Variants in PPTC7 observed in about 807,000 individuals in gnomAD.
PPTC7 encodes protein phosphatase PTC7 homolog.
PPTC7 carries 6 observed loss-of-function variants against 30.8 expected under a neutral mutation model. The observed-to-expected ratio is 0.19, with a 90% CI of 0.11 to 0.38. The LOEUF (loss-of-function observed/expected upper bound fraction) is 0.38, where lower values mean the gene tolerates loss of function less well. PPTC7 is among the 10% of genes least tolerant of loss of function. The pLI is 1.00. For synonymous variants in PPTC7, 163 were observed against 168.1 expected (o/e 0.97, Z 0.23); for missense variants, 218 against 404.8 (o/e 0.54, Z 3.96).
chr12:110,565,258 TGTTTTGTTTC>T (rs1317924929), intron 1 of PPTC7, among the ~76,000 whole-genome samples: 1 of 152,008 alleles, frequency 6.6e-6, no homozygotes, highest in African/African-American at 2.4e-5. Context: ...ATACTTTTTT[TGTTTTGTTTC>T]GTTTTTCAGA....
chr12:110,583,218 A>T lies in PPTC7; in HGVS notation c.-187T>A, dbSNP rs1248252921. The T allele has an allele frequency of 4.9e-6, 1 of 204,662 alleles. No homozygotes were observed. The highest frequency in any genetic ancestry group is 9.2e-6 in the Non-Finnish European group (1 of 108,298). The allele number at this position is 204,662 out of a possible 1,614,324, so 12.7% of individuals were successfully genotyped here. A position where few individuals can be genotyped will look rare whatever the true frequency, so the allele number is the denominator to read the frequency against. ...GCACGCGCTCAGCCGCGCGCACCGG[A>T]GCCAGAGCGAGGTCAGAAGCGGCGG... On this transcript the variant is annotated 5_prime_UTR_variant, in exon 1 of 6. Transcript: ENST00000354300.
intron 1 of PPTC7, among the ~76,000 whole-genome samples, chr12:110,557,451 T>C (rs188853612): frequency 6.6e-6 from 1 of 151,866 alleles, no homozygotes; most frequent in Non-Finnish European, 1.5e-5. Context: ...CTTTTTTTTT[T>C]AAGTTTTTGT....
At position 110,563,057 on chromosome 12, in the gene PPTC7, T is replaced by G. The variant is rs566163294; in HGVS notation, c.224-11089A>C. 3.3e-4 allele frequency among the ~76,000 whole-genome samples: 45 copies of G among 134,756 alleles called. No homozygotes were observed. The Admixed American group carries it at 3.5e-3, about 11-fold the overall frequency. 88.4% of individuals were successfully genotyped at this position (134,756 alleles called of 152,430 possible). A position where few individuals can be genotyped will look rare whatever the true frequency, so the allele number is the denominator to read the frequency against. Reference sequence around the variant, plus strand: ...TTGCCTGAACCTGGGAGGCAGAGATTGCAGTAAGCAAAGATTGCGCCATTG... The same window carrying G: ...TTGCCTGAACCTGGGAGGCAGAGATGGCAGTAAGCAAAGATTGCGCCATTG... On this transcript the variant is annotated intron_variant, in intron 1 of 5. Coordinates refer to ENST00000354300, the MANE Select transcript of PPTC7 (RefSeq NM_139283.2).
intron 1 of PPTC7, among the ~76,000 whole-genome samples, chr12:110,572,490 A>G (rs1286224441): frequency 6.6e-6 from 1 of 152,212 alleles, no homozygotes; most frequent in Non-Finnish European, 1.5e-5. Context: ...AGAGTAGTCC[A>G]AAAAGAAATA....
intron 1 of PPTC7, among the ~76,000 whole-genome samples, chr12:110,556,089 G>C (rs2064384721): frequency 3.3e-5 from 5 of 152,176 alleles, no homozygotes; most frequent in Admixed American, 3.3e-4. Context: ...GTTTAGAGTT[G>C]ATCCTCGATC....
At chr12:110,557,262 T>A (rs2064396981) in intron 1 of PPTC7, among the ~76,000 whole-genome samples, 1 of 152,158 alleles carries the variant, frequency 6.6e-6, no homozygotes, top group Non-Finnish European at 1.5e-5. Context: ...AAAGAAAAAC[T>A]AAAATGACTT....
At chr12:110,580,580 T>TC (rs2064628318) in intron 1 of PPTC7, among the ~76,000 whole-genome samples, 1 of 152,180 alleles carries the variant, frequency 6.6e-6, no homozygotes, top group Non-Finnish European at 1.5e-5. Flanking sequence ...CCTCAGGTGA[T>TC]CCGCCCACCT....
At chr12:110,542,106 C>T (rs958457691) in intron 3 of PPTC7, among the ~76,000 whole-genome samples, 3 of 151,348 alleles carry the variant, frequency 2.0e-5, no homozygotes, top group African/African-American at 2.4e-5. Flanking sequence ...GCTGAGATGG[C>T]GCCACTGCAC....
chr12:110,540,007 T>C (rs2064245691), intron 3 of PPTC7, 62 bp from the exon 4 acceptor site: 18 of 1,479,358 alleles, frequency 1.2e-5, no homozygotes, highest in Non-Finnish European at 1.6e-5. Flanking sequence ...GTTGAAAATG[T>C]CCTACAGGCA....
intron 1 of PPTC7, among the ~76,000 whole-genome samples, chr12:110,567,979 C>T (rs2064499197): frequency 6.6e-6 from 1 of 151,472 alleles, no homozygotes; most frequent in East Asian, 1.9e-4. Flanking sequence ...CTACAGCTTC[C>T]TCCCCACCCA....
chr12:110,558,885 T>C (rs1593155617), intron 1 of PPTC7, among the ~76,000 whole-genome samples: 1 of 151,838 alleles, frequency 6.6e-6, no homozygotes, highest in African/African-American at 2.4e-5. Context: ...GGATTACAGG[T>C]GTGAACCACC....
intron 1 of PPTC7, among the ~76,000 whole-genome samples, chr12:110,576,314 A>G (rs1193289847): frequency 2.0e-5 from 3 of 152,020 alleles, no homozygotes; most frequent in Non-Finnish European, 2.9e-5. Flanking sequence ...ACATAAAAAA[A>G]CAGCTATATT....
At chr12:110,540,896 C>T (rs533957573) in intron 3 of PPTC7, among the ~76,000 whole-genome samples, 1 of 151,994 alleles carries the variant, frequency 6.6e-6, no homozygotes, top group East Asian at 2.0e-4. Flanking sequence ...CTGGCGCAGC[C>T]TCCCGAGTAG....
At chr12:110,540,182 G>A (rs2064246999) in intron 3 of PPTC7, among the ~76,000 whole-genome samples, 1 of 152,094 alleles carries the variant, frequency 6.6e-6, no homozygotes, top group South Asian at 2.1e-4. Context: ...GTAAAACCAA[G>A]TCTGATGATT....
chr12:110,576,862 C>G (rs1279259146), intron 1 of PPTC7, among the ~76,000 whole-genome samples: 1 of 152,230 alleles, frequency 6.6e-6, no homozygotes, highest in East Asian at 1.9e-4. Context: ...TTATACATAT[C>G]AGTTTTTAAA....
intron 1 of PPTC7, among the ~76,000 whole-genome samples, chr12:110,564,027 G>A (rs2064460022): frequency 6.6e-6 from 1 of 152,164 alleles, no homozygotes; most frequent in African/African-American, 2.4e-5. Context: ...TATCTATTCT[G>A]GCTCAACTGT....
chr12:110,570,196 T>C (rs2064522084), intron 1 of PPTC7, among the ~76,000 whole-genome samples: 1 of 148,008 alleles, frequency 6.8e-6, no homozygotes, highest in African/African-American at 2.6e-5. Flanking sequence ...CTGAAACGTG[T>C]GCTGTGTCAA....
chr12:110,552,418 G>A (rs1223392348), intron 1 of PPTC7, among the ~76,000 whole-genome samples: 1 of 152,176 alleles, frequency 6.6e-6, no homozygotes, highest in Non-Finnish European at 1.5e-5. Context: ...TTGGTCAATC[G>A]CTGGGAAATA....
At chr12:110,557,371 C>T (rs749685318) in intron 1 of PPTC7, among the ~76,000 whole-genome samples, 39 of 152,174 alleles carry the variant, frequency 2.6e-4, no homozygotes, top group Non-Finnish European at 7.3e-5. Context: ...AACTCCTGGG[C>T]TCAAGTATTC....
Sources: gnomAD v4.1 joint callset for allele counts (sites outside exome capture counted in the v4.1 genomes callset) on GRCh38, gnomAD v4.1.1 for gene constraint, MANE v1.5 for transcripts, NCBI Gene and HGNC (gene_info 2026-07-23, HGNC 2026-07-21) for gene names.